CSMD1: variants seen among roughly 807,000 people sequenced by gnomAD.
The protein encoded by CSMD1 is CUB and Sushi multiple domains 1.
CSMD1 carries 213 observed loss-of-function variants against 417.5 expected under a neutral mutation model. The observed-to-expected ratio is 0.51, with a 90% confidence interval of 0.46 to 0.57. The LOEUF (loss-of-function observed/expected upper bound fraction) is 0.57, where lower values mean the gene tolerates loss of function less well. Ranked by LOEUF, CSMD1 falls within the 20% of genes least tolerant of loss-of-function variation. The pLI, the probability that CSMD1 is intolerant of heterozygous loss-of-function variation, is 0.00. For missense variants in CSMD1, 6,923 were observed against 4,529.7 expected (o/e 1.53, Z -15.17); for synonymous variants, 2,862 against 1,736.8 (o/e 1.65, Z -16.11).
Position 4,229,747 on chromosome 8 carries a change from T to C in CSMD1, c.415+190206A>G, listed in dbSNP as rs144808441. Among the ~76,000 whole-genome samples the C allele has an allele frequency of 1.4e-3, 220 of 152,272 alleles. 4 individuals carry two copies. The highest frequency in any genetic ancestry group is 4.9e-3 in the African/African-American group (202 of 41,554). ...ACCCCATCCTCTGCCGTCCTGCTTCTACATAGCATATCACAATGCGACCCA... is the reference window on the plus strand; with the variant it reads ...ACCCCATCCTCTGCCGTCCTGCTTCCACATAGCATATCACAATGCGACCCA... On this transcript the variant is annotated intron_variant, in intron 3 of 69. Coordinates refer to ENST00000635120, the MANE Select transcript of CSMD1 (RefSeq NM_033225.6).
chr8:4,975,725 T>C (rs778584188), intron 1 of CSMD1, among the ~76,000 whole-genome samples: 4 of 152,186 alleles, frequency 2.6e-5, no homozygotes, highest in Non-Finnish European at 4.4e-5. Flanking sequence ...TTTCATCTGA[T>C]GTGCTGAGAC....
chr8:3,802,699 T>C (rs563186821), intron 5 of CSMD1, among the ~76,000 whole-genome samples: 2 of 152,194 alleles, frequency 1.3e-5, no homozygotes, highest in Non-Finnish European at 1.5e-5. Flanking sequence ...CAATAAAATA[T>C]AGTGCTTGAC....
chr8:3,642,317 C>G (rs535122734), intron 7 of CSMD1, among the ~76,000 whole-genome samples: 4 of 152,098 alleles, frequency 2.6e-5, no homozygotes, highest in African/African-American at 7.2e-5. Flanking sequence ...GTGAAAAGAA[C>G]TTGCTCTTTC....
In CSMD1 at chr8:3,230,105, G is replaced by A. The variant is rs1389240443; in HGVS notation, c.4280C>T (p.Ala1427Val). ...CDPGYQLQGQAKITCVQLNNR... is the reference protein window; with the variant it reads ...CDPGYQLQGQVKITCVQLNNR... Reference sequence around the variant, plus strand: ...ATTCAGCTGCACACAGGTGATTTTGGCTTGTCCTTGGAGCTGATAGCCAGG... The same window carrying A: ...ATTCAGCTGCACACAGGTGATTTTGACTTGTCCTTGGAGCTGATAGCCAGG... The change falls in exon 27 of 70, where the codon GCC (alanine) becomes GTC (valine). Residue 1427 changes from alanine (A) to valine (V), a missense_variant. Transcript: ENST00000635120. The A allele has an allele frequency of 6.2e-7, 1 of 1,613,490 alleles. No homozygotes were observed. Among genetic ancestry groups the A allele is most frequent in the Non-Finnish European group, 8.5e-7 (1 of 1,179,710 alleles).
chr8:3,831,256 C>T (rs140005727), intron 5 of CSMD1, among the ~76,000 whole-genome samples: 8 of 152,250 alleles, frequency 5.3e-5, no homozygotes, highest in South Asian at 4.1e-4. Flanking sequence ...GAGAATACTG[C>T]TCTTAGTTAT....
intron 5 of CSMD1, among the ~76,000 whole-genome samples, chr8:3,991,628 A>G (rs1814758839): frequency 6.6e-6 from 1 of 152,174 alleles, no homozygotes; most frequent in Admixed American, 6.5e-5. Flanking sequence ...TACAAATTAG[A>G]AGTGGAGGGC....
At chr8:4,445,035 T>A (rs974378591) in intron 2 of CSMD1, among the ~76,000 whole-genome samples, 2 of 152,236 alleles carry the variant, frequency 1.3e-5, no homozygotes, top group East Asian at 3.8e-4. Flanking sequence ...TATACCCATA[T>A]TGAAATCACT....
intron 50 of CSMD1, among the ~76,000 whole-genome samples, chr8:3,036,349 GC>G (rs980531575): frequency 6.6e-6 from 1 of 152,098 alleles, no homozygotes; most frequent in Non-Finnish European, 1.5e-5. Flanking sequence ...ATTCTAATCA[GC>G]CCCTAGATTC....
intron 3 of CSMD1, among the ~76,000 whole-genome samples, chr8:4,269,142 T>G (rs550667612): frequency 6.6e-6 from 1 of 152,274 alleles, no homozygotes; most frequent in East Asian, 1.9e-4. Context: ...CTGAAATCTC[T>G]GTCTCCTGGG....
intron 3 of CSMD1, among the ~76,000 whole-genome samples, chr8:4,176,592 C>T (rs1018517307): frequency 2.2e-5 from 3 of 138,964 alleles, no homozygotes; most frequent in African/African-American, 5.5e-5. Context: ...GTAGAAGGGA[C>T]ATAGGAGTAG....
chr8:3,194,540 C>T (rs964224098), intron 33 of CSMD1, among the ~76,000 whole-genome samples: 1 of 151,676 alleles, frequency 6.6e-6, no homozygotes, highest in Non-Finnish European at 1.5e-5. Context: ...TCACTACAAT[C>T]TCCACGTCCC....
Position 4,057,919 on chromosome 8 carries a change from C to T in CSMD1, c.416-25820G>A, listed in dbSNP as rs541018371. ...TCTCTGTTTTGGTACCAGTACCATG[C>T]TGTTTTGGTTCCTGTAGCCTTGTAG... On this transcript the variant is annotated intron_variant, in intron 3 of 69. Coordinates refer to ENST00000635120, the MANE Select transcript of CSMD1 (RefSeq NM_033225.6). Among the ~76,000 whole-genome samples the T allele has an allele frequency of 8.7e-3, 1,325 of 151,712 alleles. 21 individuals are homozygous for T. Among genetic ancestry groups the T allele is most frequent in the South Asian group, 0.052 (250 of 4,786 alleles).
chr8:3,865,271 G>C (rs1805005280), intron 5 of CSMD1, among the ~76,000 whole-genome samples: 1 of 152,162 alleles, frequency 6.6e-6, no homozygotes, highest in South Asian at 2.1e-4. Context: ...AGTTACTTCT[G>C]CCTCACATCT....
intron 5 of CSMD1, among the ~76,000 whole-genome samples, chr8:3,797,695 T>C (rs931564877): frequency 1.3e-5 from 2 of 152,002 alleles, no homozygotes; most frequent in African/African-American, 4.8e-5. Flanking sequence ...GTTTCACCTT[T>C]TGGCTAATAC....
chr8:4,272,494 A>C (rs1473125363), intron 3 of CSMD1, among the ~76,000 whole-genome samples: 1 of 152,186 alleles, frequency 6.6e-6, no homozygotes, highest in Non-Finnish European at 1.5e-5. Flanking sequence ...ATACACGATC[A>C]CAGTATTTCA....
intron 2 of CSMD1, among the ~76,000 whole-genome samples, chr8:4,614,328 G>C (rs1000969559): frequency 7.9e-5 from 12 of 152,126 alleles, no homozygotes; most frequent in African/African-American, 2.9e-4. Flanking sequence ...ATCCTGTCTT[G>C]AAGGTAGCAC....
At chr8:4,201,760 G>A (rs1056857305) in intron 3 of CSMD1, among the ~76,000 whole-genome samples, 1 of 151,940 alleles carries the variant, frequency 6.6e-6, no homozygotes, top group Non-Finnish European at 1.5e-5. Context: ...GGACTCTTGA[G>A]AGTCTATGAA....
At chr8:3,183,796 C>T (rs989781947) in intron 36 of CSMD1, among the ~76,000 whole-genome samples, 1 of 152,206 alleles carries the variant, frequency 6.6e-6, no homozygotes, top group East Asian at 1.9e-4. Context: ...GTCATCACGC[C>T]TTAACTGGCG....
At chr8:4,414,390 T>C (rs35516630) in intron 3 of CSMD1, among the ~76,000 whole-genome samples, 26,100 of 152,098 alleles carry the variant, frequency 0.17, 2,307 homozygotes, top group East Asian at 0.28. Flanking sequence ...AAGGACTGTA[T>C]AGAACTGTAG....
Sources: allele counts gnomAD v4.1 joint callset (sites outside exome capture counted in the v4.1 genomes callset), GRCh38; gene constraint gnomAD v4.1.1; transcripts MANE v1.5; gene names NCBI Gene and HGNC (gene_info 2026-07-23, HGNC 2026-07-21).